The following CHST9 variants were observed in gnomAD, a reference collection of about 807,000 sequenced individuals.
CHST9 encodes the protein GalNAc-4-sulfotransferase 2.
Under a neutral mutation model 44.4 loss-of-function variants are expected in CHST9, and 41 were observed. That is an observed-to-expected ratio of 0.92 (90% confidence interval 0.72 to 1.20). The LOEUF (loss-of-function observed/expected upper bound fraction) is 1.20. CHST9 is among the 50% of genes most tolerant of loss of function. CHST9 has a pLI of 0.00. For synonymous variants in CHST9, 171 were observed against 178.4 expected (o/e 0.96, Z 0.33); for missense variants, 504 against 516.5 (o/e 0.98, Z 0.23).
chr18:26,974,668 TTTTTTTTTTCC>T (rs1489273598), intron 4 of CHST9, among the ~76,000 whole-genome samples: 148 of 148,500 alleles, frequency 1.0e-3, no homozygotes, highest in African/African-American at 3.7e-3. Flanking sequence ...ATTTTCTTTC[TTTTTTTTTTCC>T]TTTTTTTTTT....
At chr18:27,031,180 T>G (rs1048946156) in intron 3 of CHST9, among the ~76,000 whole-genome samples, 1 of 152,196 alleles carries the variant, frequency 6.6e-6, no homozygotes, top group African/African-American at 2.4e-5. Context: ...ATTTATGCAA[T>G]CTTCGCTTTG....
intron 2 of CHST9, among the ~76,000 whole-genome samples, chr18:27,136,490 A>G (rs939387239): frequency 6.6e-6 from 1 of 152,166 alleles, no homozygotes; most frequent in African/African-American, 2.4e-5. Flanking sequence ...ATCTCTGCAC[A>G]CTGCAGGGTG....
At chr18:27,038,117 T>TTC (rs1048878410) in intron 3 of CHST9, among the ~76,000 whole-genome samples, 4 of 152,218 alleles carry the variant, frequency 2.6e-5, no homozygotes, top group African/African-American at 9.6e-5. Flanking sequence ...TCTCTTTTTA[T>TTC]TCTCTCTCTT....
chr18:26,977,575 G>A (rs1303740644), intron 4 of CHST9, among the ~76,000 whole-genome samples: 6 of 152,078 alleles, frequency 3.9e-5, no homozygotes, highest in Admixed American at 3.9e-4. Flanking sequence ...AATCTAAAAG[G>A]TCTAGGGCTA....
chr18:27,067,527 C>A (rs1348218157), intron 2 of CHST9, among the ~76,000 whole-genome samples: 1 of 152,114 alleles, frequency 6.6e-6, no homozygotes, highest in East Asian at 1.9e-4. Context: ...TCAATTCTGT[C>A]AATTTTAATG....
At chr18:27,179,602 G>A (rs1426878) in intron 1 of CHST9, among the ~76,000 whole-genome samples, 46,981 of 151,738 alleles carry the variant, frequency 0.31, 7,554 homozygotes, top group East Asian at 0.48. Context: ...GGGGGAGGCA[G>A]CCCAATTTAA....
At chr18:27,133,711 C>T (rs1412989658) in intron 2 of CHST9, among the ~76,000 whole-genome samples, 1 of 152,118 alleles carries the variant, frequency 6.6e-6, no homozygotes, top group African/African-American at 2.4e-5. Context: ...AATGAAACAG[C>T]TGCAGAGAGA....
At position 26,908,748 on chromosome 18, in the gene CHST9, A is replaced by G. The variant is rs2055401968; in HGVS notation, c.*7511T>C. Reference sequence around the variant, plus strand: ...AATGTTGGCAATGTCATATGGTTCAACCTAATAGAAAGGCAAAAAGAGACA... The same window carrying G: ...AATGTTGGCAATGTCATATGGTTCAGCCTAATAGAAAGGCAAAAAGAGACA... On this transcript the variant is annotated 3_prime_UTR_variant, in exon 6 of 6. Coordinates refer to ENST00000618847, the MANE Select transcript of CHST9 (RefSeq NM_031422.6). 6.6e-6 allele frequency: 1 copy of G among 152,200 alleles called. No homozygotes were observed. The highest frequency in any genetic ancestry group is 2.4e-5 in the African/African-American group (1 of 41,456). The allele number at this position is 152,200 out of a possible 1,614,324, so 9.4% of individuals were successfully genotyped here.
At chr18:26,958,450 A>G (rs1395448684) in intron 4 of CHST9, among the ~76,000 whole-genome samples, 1 of 148,572 alleles carries the variant, frequency 6.7e-6, no homozygotes. Flanking sequence ...AGCCCTCAAA[A>G]GTAACTGCAA....
intron 1 of CHST9, among the ~76,000 whole-genome samples, chr18:27,149,545 G>C (rs1181957496): frequency 2.0e-5 from 3 of 151,452 alleles, no homozygotes; most frequent in African/African-American, 7.3e-5. Flanking sequence ...TTATATTACT[G>C]GGTATATATC....
chr18:27,166,583 T>C (rs976954772), intron 1 of CHST9, among the ~76,000 whole-genome samples: 2 of 152,196 alleles, frequency 1.3e-5, no homozygotes, highest in African/African-American at 4.8e-5. Context: ...GAAATATTTA[T>C]TGAATAAAAA....
chr18:26,995,331 G>T (rs995238131), intron 4 of CHST9, among the ~76,000 whole-genome samples: 2 of 151,258 alleles, frequency 1.3e-5, no homozygotes, highest in African/African-American at 2.4e-5. Flanking sequence ...TCAGTTACTC[G>T]GGAGGCTGAT....
chr18:27,130,754 ATTAG>A (rs2058464370), intron 2 of CHST9, among the ~76,000 whole-genome samples: 1 of 152,256 alleles, frequency 6.6e-6, no homozygotes, highest in Non-Finnish European at 1.5e-5. Flanking sequence ...ATAATGAAAT[ATTAG>A]TTAGCAGTTA....
At chr18:27,104,477 T>C (rs1385992326) in intron 2 of CHST9, among the ~76,000 whole-genome samples, 1 of 152,220 alleles carries the variant, frequency 6.6e-6, no homozygotes, top group African/African-American at 2.4e-5. Flanking sequence ...TAGACTATTA[T>C]GAAAGTCAGA....
intron 4 of CHST9, among the ~76,000 whole-genome samples, chr18:26,995,507 C>T (rs1488576432): frequency 6.6e-6 from 1 of 151,092 alleles, no homozygotes; most frequent in Non-Finnish European, 1.5e-5. Flanking sequence ...TCTAGCTAAG[C>T]TGGCTGGATT....
chr18:27,135,440 A>ACAT, intron 2 of CHST9, among the ~76,000 whole-genome samples: 1 of 152,292 alleles, frequency 6.6e-6, no homozygotes, highest in East Asian at 1.9e-4. Flanking sequence ...GAGACCTCAG[A>ACAT]CATAATGTTA....
intron 2 of CHST9, among the ~76,000 whole-genome samples, chr18:27,072,824 A>G (rs758441366): frequency 1.3e-5 from 2 of 152,206 alleles, no homozygotes; most frequent in African/African-American, 4.8e-5. Flanking sequence ...TTATTGGTCC[A>G]GTAGGGGCTT....
intron 3 of CHST9, among the ~76,000 whole-genome samples, chr18:27,043,546 T>G (rs775647446): frequency 1.3e-5 from 2 of 152,030 alleles, no homozygotes; most frequent in Non-Finnish European, 2.9e-5. Flanking sequence ...CCAGGTCAGT[T>G]TGATCTTGTA....
At chr18:27,041,783 T>C (rs73402900) in intron 3 of CHST9, among the ~76,000 whole-genome samples, 2,051 of 152,276 alleles carry the variant, frequency 0.013, 50 homozygotes, top group African/African-American at 0.048. Flanking sequence ...TGCTATTTAA[T>C]CTCTATCATA....
Sources: gnomAD v4.1 joint callset for allele counts (sites outside exome capture counted in the v4.1 genomes callset) on GRCh38, gnomAD v4.1.1 for gene constraint, MANE v1.5 for transcripts, NCBI Gene and HGNC (gene_info 2026-07-23, HGNC 2026-07-21) for gene names.